Variants in LINGO2 observed in about 807,000 individuals in gnomAD.
LINGO2 encodes the protein leucine rich repeat and Ig domain containing 2.
A neutral mutation model predicts 30.6 loss-of-function variants in LINGO2; 14 were observed. The observed-to-expected ratio is 0.46, with a 90% CI of 0.30 to 0.72. LINGO2 has a LOEUF of 0.72. LINGO2 is among the 30% of genes least tolerant of loss of function. The pLI is 0.07. For missense variants in LINGO2, 729 were observed against 751.7 expected, an observed-to-expected ratio of 0.97 and a Z score of 0.35; for synonymous variants, 317 against 288.5, an observed-to-expected ratio of 1.10 and a Z score of -1.00.
chr9:28,297,468 T>C (rs973927084), intron 3 of LINGO2, among the ~76,000 whole-genome samples: 2 of 152,198 alleles, frequency 1.3e-5, no homozygotes, highest in Non-Finnish European at 2.9e-5. Flanking sequence ...GTTCTCTTCA[T>C]GAAAAGATTA....
chr9:28,082,464 A>T (rs1009929631), intron 4 of LINGO2, among the ~76,000 whole-genome samples: 3 of 151,222 alleles, frequency 2.0e-5, no homozygotes, highest in Non-Finnish European at 4.4e-5. Flanking sequence ...TCTTAATACA[A>T]TTTTTTTTTC....
At chr9:28,640,152 A>G (rs1358521141) in intron 1 of LINGO2, among the ~76,000 whole-genome samples, 2 of 150,942 alleles carry the variant, frequency 1.3e-5, no homozygotes, top group Non-Finnish European at 2.9e-5. Context: ...AGTGGCCCCC[A>G]CTCTCTTCTG....
chr9:28,000,382 A>G (rs1417068978), intron 5 of LINGO2, among the ~76,000 whole-genome samples: 2 of 149,410 alleles, frequency 1.3e-5, no homozygotes, highest in African/African-American at 5.1e-5. Context: ...GAAGGAGGAG[A>G]AAAAAAGGAG....
the LINGO2 span, among the ~76,000 whole-genome samples, chr9:28,835,347 T>C: frequency 1.3e-5 from 2 of 152,344 alleles, no homozygotes; most frequent in Admixed American, 6.5e-5. Flanking sequence ...ACATGTGCTA[T>C]TCAAAATGGT....
the LINGO2 span, among the ~76,000 whole-genome samples, chr9:28,712,943 G>C: frequency 6.6e-6 from 1 of 151,976 alleles, no homozygotes; most frequent in Admixed American, 6.6e-5. Flanking sequence ...TCCGCTCACT[G>C]CAAACTCCGC....
chr9:28,378,221 T>C (rs1821206959), intron 2 of LINGO2, among the ~76,000 whole-genome samples: 1 of 152,136 alleles, frequency 6.6e-6, no homozygotes, highest in Non-Finnish European at 1.5e-5. Context: ...AACCTGTCCA[T>C]GGTGAGGCAG....
chr9:28,965,185 G>T, the LINGO2 span, among the ~76,000 whole-genome samples: 2 of 151,920 alleles, frequency 1.3e-5, no homozygotes, highest in Admixed American at 6.6e-5. Flanking sequence ...TCTTAGGATA[G>T]AAATTCAAGA....
intron 1 of LINGO2, among the ~76,000 whole-genome samples, chr9:28,480,863 A>C (rs1326430820): frequency 6.6e-6 from 1 of 152,116 alleles, no homozygotes; most frequent in African/African-American, 2.4e-5. Flanking sequence ...AACAAAAGGC[A>C]TTGCGACTTC....
At chr9:28,166,811 G>C (rs1316301460) in intron 4 of LINGO2, among the ~76,000 whole-genome samples, 1 of 151,698 alleles carries the variant, frequency 6.6e-6, no homozygotes. Context: ...AAAAAAATCA[G>C]AGTGAATTTA....
At chr9:28,092,176 C>T (rs764740552) in intron 4 of LINGO2, among the ~76,000 whole-genome samples, 1 of 152,130 alleles carries the variant, frequency 6.6e-6, no homozygotes, top group Non-Finnish European at 1.5e-5. Context: ...TACCATTTGA[C>T]CCAGCCATCC....
At chr9:28,160,251 A>T (rs147603549) in intron 4 of LINGO2, among the ~76,000 whole-genome samples, 1 of 152,324 alleles carries the variant, frequency 6.6e-6, no homozygotes, top group South Asian at 2.1e-4. Flanking sequence ...AGTAGAAATA[A>T]GACCATCTTG....
At chr9:28,807,129 A>G in the LINGO2 span, among the ~76,000 whole-genome samples, 3 of 151,778 alleles carry the variant, frequency 2.0e-5, no homozygotes, top group African/African-American at 7.3e-5. Context: ...GATTCACACC[A>G]TCCTCCTGCC....
At chr9:27,939,553 G>A in the LINGO2 span, 2 of 152,212 alleles carry the variant, frequency 1.3e-5, no homozygotes, top group African/African-American at 2.4e-5. Flanking sequence ...TGTGCTCAGT[G>A]AATTAATTCC....
At chr9:28,040,909 G>A (rs896554447) in intron 4 of LINGO2, among the ~76,000 whole-genome samples, 4 of 152,288 alleles carry the variant, frequency 2.6e-5, no homozygotes, top group Admixed American at 6.5e-5. Flanking sequence ...AGATGCTATA[G>A]AGGTAGAGGA....
the LINGO2 span, among the ~76,000 whole-genome samples, chr9:28,840,923 A>G: frequency 1.3e-5 from 2 of 151,880 alleles, no homozygotes; most frequent in Non-Finnish European, 2.9e-5. Flanking sequence ...GGTGTTAAAC[A>G]TGAAAAGCTC....
the LINGO2 span, among the ~76,000 whole-genome samples, chr9:28,816,143 T>C: frequency 6.6e-6 from 1 of 152,216 alleles, no homozygotes; most frequent in Non-Finnish European, 1.5e-5. Context: ...ATAACCATGT[T>C]AATCTATTCA....
At chr9:28,478,426 A>G (rs1825807568) in intron 1 of LINGO2, among the ~76,000 whole-genome samples, 1 of 152,084 alleles carries the variant, frequency 6.6e-6, no homozygotes, top group Non-Finnish European at 1.5e-5. Flanking sequence ...ATCAAACTGC[A>G]GATTTTTCAT....
intron 4 of LINGO2, among the ~76,000 whole-genome samples, chr9:28,266,075 C>T (rs537714593): frequency 6.6e-6 from 1 of 152,042 alleles, no homozygotes; most frequent in South Asian, 2.1e-4. Flanking sequence ...TATCTAAAAA[C>T]ATTTAAACTA....
the LINGO2 span, among the ~76,000 whole-genome samples, chr9:29,171,199 T>C: frequency 6.6e-6 from 1 of 152,026 alleles, no homozygotes; most frequent in Non-Finnish European, 1.5e-5. Flanking sequence ...TGCATATGGT[T>C]CCTGAAAATT....
Sources: allele counts gnomAD v4.1 joint callset (sites outside exome capture counted in the v4.1 genomes callset), GRCh38; gene constraint gnomAD v4.1.1; transcripts MANE v1.5; gene names NCBI Gene and HGNC (gene_info 2026-07-23, HGNC 2026-07-21).